Variants in MIER2 observed in about 807,000 individuals in gnomAD.
MIER2 encodes the protein mesoderm induction early response protein 2.
A neutral mutation model predicts 67.6 loss-of-function variants in MIER2; 30 were observed. That is an observed-to-expected ratio of 0.44 (90% CI 0.33 to 0.60). The LOEUF (loss-of-function observed/expected upper bound fraction) is 0.60. MIER2 is among the 20% of genes least tolerant of loss of function. MIER2 has a pLI of 0.02. For missense variants in MIER2, 702 were observed against 745.1 expected (o/e 0.94, Z 0.67); for synonymous variants, 372 against 312.6 (o/e 1.19, Z -2.00).
chr19:334,391 G>T lies in MIER2; in HGVS notation c.243+9C>A, dbSNP rs1480541256. ...CCAACACAGGGGCAGGATCACCTTG[G>T]CCAAGTACCTGGGAGATGAAGTCCT... On this transcript the variant is annotated intron_variant, in intron 3 of 13. Transcript: ENST00000264819. 1.2e-6 allele frequency: 2 copies of T among 1,613,842 alleles called. No individual in the cohort carries two copies. Among genetic ancestry groups the T allele is most frequent in the African/African-American group, 1.3e-5 (1 of 74,944 alleles).
intron 4 of MIER2, 70 bp downstream of exon 4, chr19:327,794 C>T: frequency 6.3e-7 from 1 of 1,589,624 alleles, no homozygotes; most frequent in Non-Finnish European, 8.5e-7. Flanking sequence ...ACACTCCCCT[C>T]TGCAGAGAGG....
rs928671241 is a variant in MIER2, at chr19:306,575, G to C, written c.*115C>G. 2 of 1,358,152 alleles carry C rather than the reference G, an allele frequency of 1.5e-6. No individual in the cohort carries two copies. The highest frequency in any genetic ancestry group is 2.0e-5 in the Admixed American group (1 of 49,758). 84.1% of individuals were successfully genotyped at this position (1,358,152 alleles called of 1,614,324 possible). A position where few individuals can be genotyped will look rare whatever the true frequency, so the allele number is the denominator to read the frequency against. ...GTCCTGACGTGTTCTGAAGCAGAAGGAGGTGCTACCCCAAGGCCCGGGGGG... is the reference window on the plus strand; with the variant it reads ...GTCCTGACGTGTTCTGAAGCAGAAGCAGGTGCTACCCCAAGGCCCGGGGGG... On this transcript the variant is annotated 3_prime_UTR_variant, in exon 14 of 14. Coordinates refer to ENST00000264819, the MANE Select transcript of MIER2 (RefSeq NM_017550.3).
At chr19:338,493 C>T (rs576828706) in intron 1 of MIER2, among the ~76,000 whole-genome samples, 29 of 152,208 alleles carry the variant, frequency 1.9e-4, no homozygotes, top group South Asian at 8.3e-4. Flanking sequence ...AACATTAAGA[C>T]GGCAACACCC....
chr19:344,634 C>T, intron 1 of MIER2, 140 bp downstream of exon 1: 2 of 452,146 alleles, frequency 4.4e-6, no homozygotes, highest in Non-Finnish European at 6.0e-6. Flanking sequence ...CGGCCCCGGA[C>T]GGGCCAGGCG....
chr19:328,741 C>G (rs1971882346), intron 3 of MIER2, among the ~76,000 whole-genome samples: 1 of 152,056 alleles, frequency 6.6e-6, no homozygotes. Flanking sequence ...GAGTGAGAAT[C>G]TGTCTCAAAA....
chr19:338,784 A>G (rs1024331291), intron 1 of MIER2, among the ~76,000 whole-genome samples: 3 of 152,240 alleles, frequency 2.0e-5, no homozygotes, highest in African/African-American at 7.2e-5. Context: ...CCACAAAGGT[A>G]TCAAAACAGT....
At chr19:329,111 G>C (rs981121219) in intron 3 of MIER2, among the ~76,000 whole-genome samples, 3 of 151,964 alleles carry the variant, frequency 2.0e-5, no homozygotes, top group African/African-American at 7.3e-5. Context: ...CCAACTTCCG[G>C]AACACTCCCT....
intron 3 of MIER2, 57 bp from the exon 4 acceptor site, chr19:328,046 T>C (rs1000696608): frequency 7.3e-5 from 117 of 1,597,056 alleles, no homozygotes; most frequent in Admixed American, 1.8e-5. Flanking sequence ...GGGGTTCCTG[T>C]CCCTGTCCTC....
At chr19:327,421 A>G (rs1971812640) in intron 4 of MIER2, among the ~76,000 whole-genome samples, 165 bp from the exon 5 acceptor site, 1 of 152,212 alleles carries the variant, frequency 6.6e-6, no homozygotes, top group Admixed American at 6.5e-5. Context: ...GGGGATGGGA[A>G]GGAGACACGT....
At chr19:331,311 T>C (rs138943232) in intron 3 of MIER2, among the ~76,000 whole-genome samples, 1,573 of 148,980 alleles carry the variant, frequency 0.011, 21 homozygotes, top group African/African-American at 0.037. Context: ...TGAGCCCAGA[T>C]TGCACCACTG....
intron 1 of MIER2, chr19:343,735 G>C (rs570417690): frequency 2.5e-5 from 17 of 670,250 alleles, no homozygotes; most frequent in Non-Finnish European, 3.1e-5. Context: ...CCCGCCTGTC[G>C]TAACTTCTGC....
At chr19:342,798 C>T (rs1972563422) in intron 1 of MIER2, among the ~76,000 whole-genome samples, 1 of 151,824 alleles carries the variant, frequency 6.6e-6, no homozygotes, top group Non-Finnish European at 1.5e-5. Context: ...ATGTACAAGC[C>T]GTTGTGGCAG....
At chr19:336,999 C>T (rs766298671) in intron 1 of MIER2, among the ~76,000 whole-genome samples, 34 of 152,196 alleles carry the variant, frequency 2.2e-4, no homozygotes, top group African/African-American at 2.9e-4. Flanking sequence ...CGCACCACCA[C>T]GCCCAGCTAA....
In MIER2 at chr19:344,585, C is replaced by CGGGG. The variant is rs1972659183; in HGVS notation, c.9+188_9+189insCCCC. 5 of 133,686 alleles carry CGGGG rather than the reference C, an allele frequency of 3.7e-5. No individual in the cohort carries two copies. In the South Asian group the frequency reaches 1.9e-3, roughly 51 times the overall value. 8.3% of individuals were successfully genotyped at this position (133,686 alleles called of 1,614,324 possible). On this transcript the variant is annotated intron_variant, in intron 1 of 13. Transcript: ENST00000264819. ...AGCCGGGGGAGTTGGGGGGTGGGGG[C>CGGGG]CGGCCGGGGGCGGCCGCCGATGGAG... is the stretch of plus-strand genomic sequence containing the variant.
At chr19:310,340 C>T (rs1368387641) in intron 10 of MIER2, among the ~76,000 whole-genome samples, 1 of 152,250 alleles carries the variant, frequency 6.6e-6, no homozygotes, top group Non-Finnish European at 1.5e-5. Context: ...CCGAGACAAC[C>T]TCCCTGCAGG....
chr19:311,002 G>A (rs546319723), intron 10 of MIER2, among the ~76,000 whole-genome samples: 2 of 152,342 alleles, frequency 1.3e-5, no homozygotes, highest in African/African-American at 2.4e-5. Context: ...TCGCTGCTGC[G>A]CACGGCACCG....
At chr19:328,096 C>A in intron 3 of MIER2, 107 bp from the exon 4 acceptor site, 1 of 1,482,788 alleles carries the variant, frequency 6.7e-7, no homozygotes, top group Non-Finnish European at 9.1e-7. Context: ...GCCACTCTGT[C>A]ACACCCATAG....
intron 13 of MIER2, 23 bp from the exon 14 acceptor site, chr19:306,734 G>A: frequency 6.4e-7 from 1 of 1,557,470 alleles, no homozygotes; most frequent in Non-Finnish European, 8.7e-7. Context: ...GACCAAGAGA[G>A]ACGCAGAGAG....
intron 7 of MIER2, among the ~76,000 whole-genome samples, chr19:324,800 A>G (rs1328523508): frequency 6.6e-6 from 1 of 152,196 alleles, no homozygotes; most frequent in Non-Finnish European, 1.5e-5. Flanking sequence ...AGGGTGGGGA[A>G]AGGGCCCTGA....
Sources: allele counts gnomAD v4.1 joint callset (sites outside exome capture counted in the v4.1 genomes callset), GRCh38; gene constraint gnomAD v4.1.1; transcripts MANE v1.5; gene names NCBI Gene and HGNC (gene_info 2026-07-23, HGNC 2026-07-21).